Variants in MARCHF1 observed in about 807,000 individuals in gnomAD.
MARCHF1 encodes E3 ubiquitin-protein ligase MARCHF1.
Under a neutral mutation model 54.2 loss-of-function variants are expected in MARCHF1, and 40 were observed. That is an observed-to-expected ratio of 0.74 (90% CI 0.57 to 0.96). The LOEUF (loss-of-function observed/expected upper bound fraction) is 0.96. Among genes scored for constraint, MARCHF1 ranks in the 40% least tolerant of loss-of-function variants. MARCHF1 has a pLI of 0.00. For missense variants in MARCHF1, 586 were observed against 656.5 expected (o/e 0.89, Z 1.17); for synonymous variants, 236 against 236.3 (o/e 1.00, Z 0.01).
At chr4:163,607,698 T>C (rs1377950458) in intron 7 of MARCHF1, among the ~76,000 whole-genome samples, 1 of 152,136 alleles carries the variant, frequency 6.6e-6, no homozygotes, top group Non-Finnish European at 1.5e-5. Flanking sequence ...TTTAGATTCT[T>C]TTCTCTCCTT....
intron 1 of MARCHF1, among the ~76,000 whole-genome samples, chr4:164,211,356 C>A (rs920477474): frequency 1.0e-4 from 5 of 49,416 alleles, no homozygotes; most frequent in Non-Finnish European, 2.8e-4. Context: ...TATATATATA[C>A]CACATTGCAA....
At chr4:163,546,734 A>G (rs758375118) in intron 8 of MARCHF1, among the ~76,000 whole-genome samples, 16 of 152,174 alleles carry the variant, frequency 1.1e-4, no homozygotes, top group Non-Finnish European at 1.8e-4. Flanking sequence ...CTGTCCTTTA[A>G]TCACACTCCT....
At chr4:164,027,050 G>A (rs1269125365) in intron 2 of MARCHF1, among the ~76,000 whole-genome samples, 2 of 151,780 alleles carry the variant, frequency 1.3e-5, no homozygotes, top group Admixed American at 6.6e-5. Context: ...TCTATAAGGA[G>A]AACTAAAAAA....
intron 3 of MARCHF1, among the ~76,000 whole-genome samples, chr4:163,877,220 T>G (rs1158805640): frequency 1.3e-5 from 2 of 152,176 alleles, no homozygotes; most frequent in Admixed American, 1.3e-4. Flanking sequence ...TCATCCCTAC[T>G]GAAAAGTTCT....
intron 1 of MARCHF1, among the ~76,000 whole-genome samples, chr4:164,130,525 G>C (rs191944997): frequency 6.1e-4 from 93 of 152,166 alleles, no homozygotes; most frequent in Non-Finnish European, 9.1e-4. Flanking sequence ...ATTGTGTATA[G>C]ATGACACTCG....
chr4:164,053,693 AT>A (rs944156785), intron 2 of MARCHF1, among the ~76,000 whole-genome samples: 1 of 152,190 alleles, frequency 6.6e-6, no homozygotes, highest in African/African-American at 2.4e-5. Flanking sequence ...GATAAAAATG[AT>A]TTTTAAGGAC....
intron 1 of MARCHF1, among the ~76,000 whole-genome samples, chr4:164,258,727 A>G (rs6853398): frequency 0.12 from 17,739 of 152,146 alleles, 1,617 homozygotes; most frequent in African/African-American, 0.25. Context: ...CTTTGATTAT[A>G]CATATGTATT....
chr4:164,024,355 A>G (rs1753725715), intron 2 of MARCHF1, among the ~76,000 whole-genome samples: 1 of 152,152 alleles, frequency 6.6e-6, no homozygotes, highest in Middle Eastern at 3.2e-3. Context: ...CAAGTTATAT[A>G]CCAAGGGAAC....
chr4:164,100,839 C>T (rs1755531690), intron 2 of MARCHF1, among the ~76,000 whole-genome samples: 1 of 152,202 alleles, frequency 6.6e-6, no homozygotes, highest in African/African-American at 2.4e-5. Flanking sequence ...TCTGCATTTC[C>T]ATCTGAGGTA....
chr4:164,242,645 T>C (rs1380791446), intron 1 of MARCHF1, among the ~76,000 whole-genome samples: 1 of 151,492 alleles, frequency 6.6e-6, no homozygotes, highest in African/African-American at 2.5e-5. Context: ...TTTGATGAGC[T>C]GTGAGAAGAA....
chr4:164,303,313 T>C (rs978801635), intron 1 of MARCHF1, among the ~76,000 whole-genome samples: 1 of 152,170 alleles, frequency 6.6e-6, no homozygotes, highest in Admixed American at 6.5e-5. Context: ...GGCAAGAAAA[T>C]TGATTTTTCT....
chr4:164,287,762 T>TA lies in MARCHF1; in HGVS notation c.-323+96107dup, dbSNP rs564933722. On this transcript the variant is annotated intron_variant, in intron 1 of 9. Transcript: ENST00000514618. ...AATAATTTAGAATAGACTAGTTATT[T>TA]AGAATAGAATATTCTTTAGAATCGA... is the stretch of plus-strand genomic sequence containing the variant. Among the ~76,000 whole-genome samples the TA allele has an allele frequency of 1.3e-3, 200 of 152,216 alleles. 1 individual carries two copies. The highest frequency in any genetic ancestry group is 3.4e-3 in the Middle Eastern group (1 of 294).
intron 1 of MARCHF1, among the ~76,000 whole-genome samples, chr4:164,347,965 T>A (rs1363709389): frequency 1.3e-5 from 2 of 152,210 alleles, no homozygotes; most frequent in African/African-American, 4.8e-5. Flanking sequence ...TTTAAGAAGT[T>A]GACCTTTTCC....
chr4:164,123,653 C>G (rs2110785605), intron 1 of MARCHF1, among the ~76,000 whole-genome samples: 1 of 152,162 alleles, frequency 6.6e-6, no homozygotes, highest in South Asian at 2.1e-4. Context: ...CTACACACCA[C>G]AGTGAACTCA....
intron 1 of MARCHF1, among the ~76,000 whole-genome samples, chr4:164,238,746 C>G (rs1435997612): frequency 2.0e-5 from 3 of 151,896 alleles, no homozygotes. Flanking sequence ...AAACAAAACC[C>G]TAATTAACCA....
At chr4:163,758,694 A>G (rs112570062) in intron 4 of MARCHF1, among the ~76,000 whole-genome samples, 64 of 152,342 alleles carry the variant, frequency 4.2e-4, no homozygotes, top group African/African-American at 1.5e-3. Flanking sequence ...AGATGAAATG[A>G]ATAATGAAAT....
intron 1 of MARCHF1, among the ~76,000 whole-genome samples, chr4:164,181,922 C>CA (rs1216058002): frequency 6.6e-6 from 1 of 152,072 alleles, no homozygotes; most frequent in Non-Finnish European, 1.5e-5. Context: ...TGAATATAGA[C>CA]AAAATTAAAT....
Position 163,990,277 on chromosome 4 carries a change from TA to T in MARCHF1, c.-247-1569del, listed in dbSNP as rs1752947615. On this transcript the variant is annotated intron_variant, in intron 2 of 9. Coordinates refer to ENST00000514618, the MANE Select transcript of MARCHF1 (RefSeq NM_001394959.1). ...ATCAAGATCAGCTAGGGAGATTTTATAATGCATAGATCCCTAACAGACACAT... is the reference window on the plus strand; with the variant it reads ...ATCAAGATCAGCTAGGGAGATTTTATATGCATAGATCCCTAACAGACACAT... Among the ~76,000 whole-genome samples, 6 of 152,116 alleles carry T rather than the reference TA, an allele frequency of 3.9e-5. 1 individual carries two copies. In the South Asian group the frequency reaches 1.2e-3, roughly 31 times the overall value.
intron 2 of MARCHF1, among the ~76,000 whole-genome samples, chr4:164,026,056 T>A (rs1753759846): frequency 2.0e-5 from 3 of 151,684 alleles, no homozygotes; most frequent in South Asian, 4.2e-4. Context: ...CAATAAGAAG[T>A]CCCAGAAATT....
Sources: gnomAD v4.1 joint callset for allele counts (sites outside exome capture counted in the v4.1 genomes callset) on GRCh38, gnomAD v4.1.1 for gene constraint, MANE v1.5 for transcripts, NCBI Gene and HGNC (gene_info 2026-07-23, HGNC 2026-07-21) for gene names.